BAHCC1: variants seen among roughly 807,000 people sequenced by gnomAD.
BAHCC1 encodes the protein BAH domain and coiled-coil containing 1.
BAHCC1 carries 43 observed loss-of-function variants against 88.2 expected under a neutral mutation model. That is an observed-to-expected ratio of 0.49 (90% CI 0.38 to 0.63). The LOEUF is 0.63. Ranked by LOEUF, BAHCC1 falls within the 20% of genes least tolerant of loss-of-function variation. BAHCC1 has a pLI of 0.00. For synonymous variants in BAHCC1, 1,510 were observed against 745.5 expected, an observed-to-expected ratio of 2.03 and a Z score of -16.71; for missense variants, 3,023 against 1,654.8, an observed-to-expected ratio of 1.83 and a Z score of -14.34.
chr17:81,445,604 G>T lies in BAHCC1; in HGVS notation c.3086G>T (p.Gly1029Val). ...TGCCCTGCCAGCAGCCCCGGGCCTG[G>T]CTCCCGGGTGCGCAGCGCCGAGGAA... ...NVCPASSPGP[G>V]SRVRSAEEKN... The change falls in exon 10 of 28, where the codon GGC becomes GTC. Residue 1029 changes from glycine to valine, a missense_variant. Coordinates refer to ENST00000675386, the MANE Select transcript of BAHCC1 (RefSeq NM_001377448.1). The T allele has an allele frequency of 1.4e-6, 1 of 728,566 alleles. No individual in the cohort carries two copies. The highest frequency in any genetic ancestry group is 2.6e-6 in the Non-Finnish European group (1 of 392,004). 45.1% of individuals were successfully genotyped at this position (728,566 alleles called of 1,614,324 possible). A position where few individuals can be genotyped will look rare whatever the true frequency, so the allele number is the denominator to read the frequency against.
rs530839242 is a variant in BAHCC1 at position 81,461,336 on chromosome 17, G to T, written c.6673G>T (p.Ala2225Ser). Residue 2225 changes from alanine to serine, a missense_variant, in exon 26 of 28, where the codon GCG becomes TCG. Ala to Ser is a moderately conservative substitution (Grantham distance 99). Coordinates refer to ENST00000675386, the MANE Select transcript of BAHCC1 (RefSeq NM_001377448.1). ...CTCCCCCAAGAACAAGACCTGCAAG[G>T]CGTTGCTCATGGGGGACAAGGACTT... is the stretch of plus-strand genomic sequence containing the variant. Reference protein sequence around the residue: ...VTSPKNKTCKALLMGDKDFSP... With the variant: ...VTSPKNKTCKSLLMGDKDFSP... 1,082 of 733,830 alleles carry T rather than the reference G, an allele frequency of 1.5e-3. 19 individuals carry two copies. The South Asian group carries it at 0.015, about 10-fold the overall frequency. The allele number at this position is 733,830 out of a possible 1,614,324, so 45.5% of individuals were successfully genotyped here.
In BAHCC1 at chr17:81,443,391, C is replaced by T. The variant is rs781896378; in HGVS notation, c.2042C>T (p.Pro681Leu). The T allele has an allele frequency of 1.8e-5, 14 of 773,296 alleles. 1 individual carries two copies. The highest frequency in any genetic ancestry group is 6.8e-5 in the South Asian group (5 of 73,752). 47.9% of individuals were successfully genotyped at this position (773,296 alleles called of 1,614,324 possible). A position where few individuals can be genotyped will look rare whatever the true frequency, so the allele number is the denominator to read the frequency against. Reference sequence around the variant, plus strand: ...AAGGGCCCAGGCCAGTCGGAGAGGCCGGACTGTGCCCGCAGCAGGGAGCAC... The same window carrying T: ...AAGGGCCCAGGCCAGTCGGAGAGGCTGGACTGTGCCCGCAGCAGGGAGCAC... ...SSKGPGQSERPDCARSREHDT... is the reference protein window; with the variant it reads ...SSKGPGQSERLDCARSREHDT... The change falls in exon 5 of 28, where the codon CCG (proline) becomes CTG (leucine). Residue 681 changes from proline (P) to leucine (L), a missense_variant. Pro to Leu is a moderately conservative substitution (Grantham distance 98). Transcript: ENST00000675386.
chr17:81,403,383 G>A (rs991482200), intron 2 of BAHCC1, among the ~76,000 whole-genome samples: 1 of 152,050 alleles, frequency 6.6e-6, no homozygotes. Flanking sequence ...GGTGCTCTGA[G>A]CCTGGGGTTA....
rs1555652953 is a variant in BAHCC1 at position 81,442,765 on chromosome 17, C to A, written c.1416C>A (p.Ser472Arg). The change falls in exon 5 of 28, where the codon AGC becomes AGA. Residue 472 changes from serine to arginine, a missense_variant. Ser to Arg is a moderately radical substitution (Grantham distance 110). Transcript: ENST00000675386. ...GGCTAAAGGGCCTCGACTATCTCAG[C>A]AGCGCAGGCCCCGAGGCCTCCTTCC... ...NPRLKGLDYLSSAGPEASFPG... is the reference protein window; with the variant it reads ...NPRLKGLDYLRSAGPEASFPG... The A allele has an allele frequency of 3.8e-6, 3 of 779,412 alleles. No homozygotes were observed. The South Asian group carries it at 4.0e-5, about 10-fold the overall frequency. 48.3% of individuals were successfully genotyped at this position (779,412 alleles called of 1,614,324 possible).
At chr17:81,438,934 G>A (rs184872691) in intron 4 of BAHCC1, among the ~76,000 whole-genome samples, 126 of 152,182 alleles carry the variant, frequency 8.3e-4, no homozygotes, top group African/African-American at 2.9e-3. Flanking sequence ...CGGTGGCCTC[G>A]GCTAGACCTG....
chr17:81,397,470 G>A (rs1466496801), intron 1 of BAHCC1, among the ~76,000 whole-genome samples: 1 of 151,300 alleles, frequency 6.6e-6, no homozygotes, highest in Non-Finnish European at 1.5e-5. Context: ...AGGAAGCCTG[G>A]CACCCCCGCG....
At position 81,447,836 on chromosome 17, in the gene BAHCC1, A is replaced by G. The variant is rs782303748; in HGVS notation, c.3964A>G (p.Arg1322Gly). 1 of 735,818 alleles carries G rather than the reference A, an allele frequency of 1.4e-6. No individual in the cohort carries two copies. Among genetic ancestry groups the G allele is most frequent in the Non-Finnish European group, 2.5e-6 (1 of 395,600 alleles). The allele number at this position is 735,818 out of a possible 1,614,324, so 45.6% of individuals were successfully genotyped here. A position where few individuals can be genotyped will look rare whatever the true frequency, so the allele number is the denominator to read the frequency against. The change falls in exon 11 of 28, where the codon AGG (arginine) becomes GGG (glycine). Residue 1322 changes from arginine (R) to glycine (G), a missense_variant. Transcript: ENST00000675386. ...DLAIQRQRSE[R>G]TVPEEEEDVL... ...GGCAATCCAGCGGCAGAGGAGTGAG[A>G]GGACTGTGCCAGGTAAGCCCGGTGG...
At chr17:81,425,804 G>T (rs1555650389) in intron 2 of BAHCC1, among the ~76,000 whole-genome samples, 1 of 147,794 alleles carries the variant, frequency 6.8e-6, no homozygotes, top group African/African-American at 2.5e-5. Context: ...GGTGATGGTG[G>T]GTCGTGGTGG....
intron 2 of BAHCC1, chr17:81,422,760 C>G: frequency 2.3e-6 from 1 of 440,854 alleles, no homozygotes; most frequent in Non-Finnish European, 4.6e-6. Context: ...ATCCCTTCTC[C>G]AGACCCAACT....
chr17:81,463,024 G>A, intron 27 of BAHCC1, 48 bp downstream of exon 27: 1 of 753,660 alleles, frequency 1.3e-6, no homozygotes, highest in Non-Finnish European at 2.5e-6. Context: ...GGGCCCCAGG[G>A]AGGGGACACG....
At chr17:81,444,170 A>G (rs1001350253) in intron 6 of BAHCC1, 6 of 605,338 alleles carry the variant, frequency 9.9e-6, no homozygotes, top group Non-Finnish European at 1.8e-5. Context: ...TCAGCCCTGC[A>G]GAGCACTGAG....
At chr17:81,456,201 T>C in intron 15 of BAHCC1, 96 bp from the exon 16 acceptor site, 1 of 650,408 alleles carries the variant, frequency 1.5e-6, no homozygotes, top group African/African-American at 1.8e-5. Flanking sequence ...AGGTACCAGT[T>C]CTGAGCCGGG....
chr17:81,410,102 G>A (rs1293043284), intron 2 of BAHCC1: 1 of 348,506 alleles, frequency 2.9e-6, no homozygotes, highest in Non-Finnish European at 6.0e-6. Context: ...GAGTGGGACT[G>A]GGGGATGCAG....
At chr17:81,456,083 G>GGGCAGTGGGTT (rs1450405074) in intron 15 of BAHCC1, 2 of 538,100 alleles carry the variant, frequency 3.7e-6, no homozygotes, top group African/African-American at 2.0e-5. Flanking sequence ...GGCAGTTGGT[G>GGGCAGTGGGTT]GGCAGTGGGT....
chr17:81,454,631 G>A (rs1290794960), intron 14 of BAHCC1, among the ~76,000 whole-genome samples: 1 of 151,780 alleles, frequency 6.6e-6, no homozygotes, highest in Non-Finnish European at 1.5e-5. Flanking sequence ...AAATGTGGGT[G>A]CAGTTCTCAC....
chr17:81,432,901 GGCCCACCCTTCCCCCC>G (rs2064284593), intron 3 of BAHCC1, among the ~76,000 whole-genome samples: 2 of 11,506 alleles, frequency 1.7e-4, no homozygotes, highest in African/African-American at 1.2e-3. Context: ...CCCATCCCCA[GGCCCACCCTTCCCCCC>G]ATCCCCAGGA....
At chr17:81,405,355 C>G (rs956681153) in intron 2 of BAHCC1, among the ~76,000 whole-genome samples, 2 of 152,180 alleles carry the variant, frequency 1.3e-5, no homozygotes, top group African/African-American at 4.8e-5. Context: ...TGTGAGCCAC[C>G]GTGCCCGGCC....
chr17:81,439,566 G>C (rs773504822), intron 4 of BAHCC1, among the ~76,000 whole-genome samples: 4 of 152,024 alleles, frequency 2.6e-5, no homozygotes, highest in Non-Finnish European at 5.9e-5. Context: ...GTGGGGAGGG[G>C]TGGACTGGGA....
intron 2 of BAHCC1, 119 bp downstream of exon 2, chr17:81,400,036 T>C: frequency 2.1e-6 from 2 of 936,322 alleles, no homozygotes. Flanking sequence ...CCGGCCGCGG[T>C]GGCTGCCTGG....
Sources: allele counts gnomAD v4.1 joint callset (sites outside exome capture counted in the v4.1 genomes callset), GRCh38; gene constraint gnomAD v4.1.1; transcripts MANE v1.5; gene names NCBI Gene and HGNC (gene_info 2026-07-23, HGNC 2026-07-21).